OSBPL10: variants seen among roughly 807,000 people sequenced by gnomAD.
The protein encoded by OSBPL10 is oxysterol binding protein like 10.
Under a neutral mutation model 81.7 loss-of-function variants are expected in OSBPL10, and 49 were observed. The ratio of observed to expected loss-of-function variants is 0.60; its 90% confidence interval spans 0.48 to 0.76. The LOEUF is 0.76. Ranked by LOEUF, OSBPL10 falls within the 30% of genes least tolerant of loss-of-function variation. The pLI is 0.00. For synonymous variants in OSBPL10, 419 were observed against 383.6 expected (o/e 1.09, Z -1.08); for missense variants, 923 against 987.8 (o/e 0.93, Z 0.88).
At chr3:31,996,513 T>C (rs1245470238) in intron 2 of OSBPL10, among the ~76,000 whole-genome samples, 2 of 151,446 alleles carry the variant, frequency 1.3e-5, no homozygotes, top group Non-Finnish European at 2.9e-5. Context: ...GAGAAGGGGG[T>C]TAGTGGACCT....
chr3:31,867,670 G>C (rs921316837), intron 3 of OSBPL10, among the ~76,000 whole-genome samples: 1 of 151,940 alleles, frequency 6.6e-6, no homozygotes, highest in African/African-American at 2.4e-5. Flanking sequence ...TTGAACCTGG[G>C]AGGCGGAGGT....
In OSBPL10 at chr3:31,925,171, C is replaced by T. The variant is rs1050199670; in HGVS notation, c.282-45341G>A. Among the ~76,000 whole-genome samples, 3 of 152,118 alleles carry T rather than the reference C, an allele frequency of 2.0e-5. No homozygotes were observed. In the South Asian group the frequency reaches 6.2e-4, roughly 32 times the overall value. On this transcript the variant is annotated intron_variant, in intron 1 of 11. Coordinates refer to ENST00000396556, the MANE Select transcript of OSBPL10 (RefSeq NM_017784.5). The stretch of plus-strand genomic sequence containing the variant: ...ATTCAACATATAGAACAGACTGGAA[C>T]TTCTCAAGGGCCAGAAAAGCCCATT...
chr3:31,682,403 C>G (rs1274844016), intron 8 of OSBPL10, among the ~76,000 whole-genome samples: 3 of 152,232 alleles, frequency 2.0e-5, no homozygotes, highest in African/African-American at 7.2e-5. Flanking sequence ...TGACCTCCAC[C>G]TGCCCCTGTT....
At chr3:31,822,418 TTAAG>T (rs1343321753) in intron 4 of OSBPL10, among the ~76,000 whole-genome samples, 1 of 152,186 alleles carries the variant, frequency 6.6e-6, no homozygotes, top group Non-Finnish European at 1.5e-5. Context: ...CCCTACTGAA[TTAAG>T]TGTTGTTTTT....
intron 4 of OSBPL10, among the ~76,000 whole-genome samples, chr3:31,785,306 T>C (rs1416304956): frequency 6.6e-6 from 1 of 152,200 alleles, no homozygotes. Flanking sequence ...TGTATACATA[T>C]ACATAAACTA....
chr3:31,740,216 T>A (rs912007738), intron 5 of OSBPL10, among the ~76,000 whole-genome samples: 1 of 152,110 alleles, frequency 6.6e-6, no homozygotes, highest in Non-Finnish European at 1.5e-5. Context: ...GCTAATTTTG[T>A]ATTCTTTTTG....
chr3:31,677,496 T>C (rs1291873576), intron 8 of OSBPL10, among the ~76,000 whole-genome samples: 4 of 152,170 alleles, frequency 2.6e-5, no homozygotes, highest in African/African-American at 9.7e-5. Flanking sequence ...CTCTCCAGAA[T>C]CTTCTTTCTG....
chr3:31,932,429 AAC>A (rs1177292996), intron 1 of OSBPL10, among the ~76,000 whole-genome samples: 1 of 152,188 alleles, frequency 6.6e-6, no homozygotes, highest in Non-Finnish European at 1.5e-5. Context: ...TGCTTGTTCT[AAC>A]AATATAATAA....
At chr3:31,996,361 C>G (rs1004709298) in intron 2 of OSBPL10, among the ~76,000 whole-genome samples, 1 of 152,156 alleles carries the variant, frequency 6.6e-6, no homozygotes, top group Non-Finnish European at 1.5e-5. Flanking sequence ...ACTCTCCCCC[C>G]CGTGCAAGGG....
intron 2 of OSBPL10, among the ~76,000 whole-genome samples, chr3:32,033,955 T>C (rs1450912783): frequency 1.3e-5 from 2 of 152,142 alleles, no homozygotes; most frequent in African/African-American, 4.8e-5. Context: ...AGGAAGAGGT[T>C]TAATTGACTC....
intron 6 of OSBPL10, among the ~76,000 whole-genome samples, chr3:31,705,238 A>T (rs1160719457): frequency 6.6e-6 from 1 of 152,188 alleles, no homozygotes; most frequent in Non-Finnish European, 1.5e-5. Flanking sequence ...TGTGATTTGT[A>T]AACAATTCTC....
intron 1 of OSBPL10, among the ~76,000 whole-genome samples, chr3:31,946,904 G>A (rs185470547): frequency 6.6e-6 from 1 of 152,280 alleles, no homozygotes; most frequent in South Asian, 2.1e-4. Flanking sequence ...GATCGTGGGA[G>A]TCCAGACCAG....
Position 31,822,975 on chromosome 3 carries a change from AATC to A in OSBPL10, c.729+7062_729+7064del, listed in dbSNP as rs1575567388. On this transcript the variant is annotated intron_variant, in intron 4 of 11. Coordinates refer to ENST00000396556, the MANE Select transcript of OSBPL10 (RefSeq NM_017784.5). ...CAATACAATAAATACCATACATTTC[AATC>A]ATCATATGCTTAAATAACTGAGAGG... Among the ~76,000 whole-genome samples, 4 of 151,960 alleles carry A rather than the reference AATC, an allele frequency of 2.6e-5. No individual in the cohort carries two copies. In the East Asian group the frequency reaches 7.7e-4, roughly 29 times the overall value.
intron 1 of OSBPL10, among the ~76,000 whole-genome samples, chr3:31,909,057 T>C (rs1436426839): frequency 6.6e-6 from 1 of 152,228 alleles, no homozygotes; most frequent in African/African-American, 2.4e-5. Flanking sequence ...CTAGCATTCG[T>C]CAGAATTCTT....
At chr3:31,939,390 G>T (rs571076912) in intron 1 of OSBPL10, among the ~76,000 whole-genome samples, 2 of 150,862 alleles carry the variant, frequency 1.3e-5, no homozygotes, top group East Asian at 1.9e-4. Context: ...TGACCTACCC[G>T]CCCTAGCTTC....
intron 3 of OSBPL10, among the ~76,000 whole-genome samples, chr3:31,857,527 A>G (rs1157119831): frequency 1.3e-5 from 2 of 151,954 alleles, no homozygotes; most frequent in Non-Finnish European, 2.9e-5. Context: ...GACCCACGAG[A>G]ACACAGCACT....
At chr3:31,773,977 C>T (rs1281273504) in intron 4 of OSBPL10, among the ~76,000 whole-genome samples, 3 of 152,116 alleles carry the variant, frequency 2.0e-5, no homozygotes, top group Admixed American at 2.0e-4. Flanking sequence ...GCCTGACCAA[C>T]ATGGTGAAAC....
intron 1 of OSBPL10, among the ~76,000 whole-genome samples, chr3:31,952,131 T>C (rs974047690): frequency 2.6e-5 from 4 of 151,692 alleles, no homozygotes; most frequent in Non-Finnish European, 5.9e-5. Context: ...ATTTGGAATT[T>C]ATAGAAAACC....
In OSBPL10 at chr3:31,853,835, A is replaced by AG. The variant is rs1321809978; in HGVS notation, c.537+22597dup. On this transcript the variant is annotated intron_variant, in intron 3 of 11. Coordinates refer to ENST00000396556, the MANE Select transcript of OSBPL10 (RefSeq NM_017784.5). Reference sequence around the variant, plus strand: ...CACACATGAGGCAGCAGCCCAGTCCAGTGGTGCTGGAGCAGCAAGGCCTGG... The same window carrying AG: ...CACACATGAGGCAGCAGCCCAGTCCAGGTGGTGCTGGAGCAGCAAGGCCTGG... 2.0e-5 allele frequency among the ~76,000 whole-genome samples: 3 copies of AG among 152,326 alleles called. No individual in the cohort carries two copies. The East Asian group carries it at 5.8e-4, about 29-fold the overall frequency.
Sources: gnomAD v4.1 joint callset for allele counts (sites outside exome capture counted in the v4.1 genomes callset) on GRCh38, gnomAD v4.1.1 for gene constraint, MANE v1.5 for transcripts, NCBI Gene and HGNC (gene_info 2026-07-23, HGNC 2026-07-21) for gene names.